Variants in DZIP1L observed in about 807,000 individuals in gnomAD.
The protein encoded by DZIP1L is cilium assembly protein DZIP1L.
Under a neutral mutation model 88.7 loss-of-function variants are expected in DZIP1L, and 90 were observed. The observed-to-expected ratio is 1.02, with a 90% CI of 0.86 to 1.21. DZIP1L has a LOEUF of 1.21. Ranked by LOEUF, DZIP1L falls within the 50% of genes most tolerant of loss-of-function variation. The pLI, the probability that DZIP1L is intolerant of heterozygous loss-of-function variation, is 0.00. For missense variants in DZIP1L, 932 were observed against 955.8 expected, an observed-to-expected ratio of 0.98 and a Z score of 0.33; for synonymous variants, 363 against 372.1, an observed-to-expected ratio of 0.98 and a Z score of 0.28.
At chr3:138,104,646 T>C (rs764782296) in intron 1 of DZIP1L, among the ~76,000 whole-genome samples, 1 of 152,240 alleles carries the variant, frequency 6.6e-6, no homozygotes, top group Non-Finnish European at 1.5e-5. Context: ...TGTGATCATA[T>C]GACTAAGTTC....
intron 11 of DZIP1L, among the ~76,000 whole-genome samples, chr3:138,076,900 C>A (rs1943438823): frequency 6.6e-6 from 1 of 151,560 alleles, no homozygotes; most frequent in African/African-American, 2.4e-5. Context: ...CCCAAAAACC[C>A]ACTGAAATAA....
In DZIP1L at chr3:138,068,143, G is replaced by A. The variant is rs116780404; in HGVS notation, c.1832+8C>T. 2.0e-6 allele frequency: 3 copies of A among 1,496,136 alleles called. No individual in the cohort carries two copies. Among genetic ancestry groups the A allele is most frequent in the African/African-American group, 2.8e-5 (2 of 71,074 alleles). 92.7% of individuals were successfully genotyped at this position (1,496,136 alleles called of 1,614,324 possible). A position where few individuals can be genotyped will look rare whatever the true frequency, so the allele number is the denominator to read the frequency against. On this transcript the variant is annotated splice_region_variant and intron_variant, in intron 13 of 15. Coordinates refer to ENST00000327532, the MANE Select transcript of DZIP1L (RefSeq NM_173543.3). ...AGGTGGGGTGAGAGGGCAGAGTCTG[G>A]GGCTCACCTCATCCCGGGCCCCGAG...
At position 138,115,405 on chromosome 3, in the gene DZIP1L, T is replaced by G. The variant is rs1217360687; in HGVS notation, c.-159A>C. The G allele has an allele frequency of 6.6e-6, 1 of 152,094 alleles. No individual in the cohort carries two copies. Among genetic ancestry groups the G allele is most frequent in the Non-Finnish European group, 1.5e-5 (1 of 68,050 alleles). 9.4% of individuals were successfully genotyped at this position (152,094 alleles called of 1,614,324 possible). On this transcript the variant is annotated 5_prime_UTR_variant, in exon 1 of 16. Transcript: ENST00000327532. ...TCCCATACTCGCCCCACGTCCCGCC[T>G]CCAGACTTGCTCCACCGCCCCAGAC...
At chr3:138,078,302 T>G (rs1476161089) in intron 10 of DZIP1L, among the ~76,000 whole-genome samples, 1 of 152,204 alleles carries the variant, frequency 6.6e-6, no homozygotes, top group Non-Finnish European at 1.5e-5. Flanking sequence ...GCCCTTTGAC[T>G]CACTCAGTAG....
At chr3:138,071,974 A>T in intron 11 of DZIP1L, 139 bp from the exon 12 acceptor site, 1 of 831,498 alleles carries the variant, frequency 1.2e-6, no homozygotes, top group Middle Eastern at 3.0e-4. Context: ...GGGGGGCATG[A>T]AATGAGGATC....
At chr3:138,064,329 T>C in intron 15 of DZIP1L, 2 of 1,237,874 alleles carry the variant, frequency 1.6e-6, no homozygotes, top group Non-Finnish European at 2.1e-6. Context: ...TGCTGCAGGA[T>C]GCCAGACACA....
intron 1 of DZIP1L, among the ~76,000 whole-genome samples, chr3:138,106,840 G>A (rs1198821673): frequency 7.3e-6 from 1 of 136,806 alleles, no homozygotes; most frequent in Non-Finnish European, 1.6e-5. Flanking sequence ...TCAAAAAAAA[G>A]TGGTAGGACT....
At chr3:138,088,681 G>A in intron 5 of DZIP1L, 174 bp from the exon 6 acceptor site, 1 of 1,268,854 alleles carries the variant, frequency 7.9e-7, no homozygotes, top group Non-Finnish European at 9.9e-7. Context: ...CCCTTCACAA[G>A]GGCTCTCCTG....
At chr3:138,103,418 G>A in intron 2 of DZIP1L, 53 bp downstream of exon 2, 1 of 1,543,522 alleles carries the variant, frequency 6.5e-7, no homozygotes, top group Non-Finnish European at 8.7e-7. Flanking sequence ...AGTTGCCCCA[G>A]TGGCTGGGGC....
Position 138,103,688 on chromosome 3 carries a change from T to G in DZIP1L, c.284A>C (p.Glu95Ala), listed in dbSNP as rs1401530619. The change falls in exon 2 of 16, where the codon GAG becomes GCG. Residue 95 changes from glutamate (E) to alanine (A), a missense_variant. Physicochemically the swap from Glu to Ala is moderately radical, Grantham distance 107. Coordinates refer to ENST00000327532, the MANE Select transcript of DZIP1L (RefSeq NM_173543.3). ...KVLRLAQLII[E>A]YLLHCQDCLS... Reference sequence around the variant, plus strand: ...GCAATCCTGGCAGTGCAGCAGGTACTCAATGATGAGCTGCGCCAGGCGCAG... The same window carrying G: ...GCAATCCTGGCAGTGCAGCAGGTACGCAATGATGAGCTGCGCCAGGCGCAG... 3.1e-6 allele frequency: 5 copies of G among 1,611,782 alleles called. No individual in the cohort carries two copies. In the South Asian group the frequency reaches 5.5e-5, roughly 18 times the overall value.
At chr3:138,069,552 G>A (rs776884275) in intron 12 of DZIP1L, among the ~76,000 whole-genome samples, 1 of 152,142 alleles carries the variant, frequency 6.6e-6, no homozygotes, top group African/African-American at 2.4e-5. Flanking sequence ...GAAGAGAAGG[G>A]GAAGACAAAG....
At chr3:138,064,299 G>C (rs1012710600) in intron 15 of DZIP1L, 5 of 1,146,834 alleles carry the variant, frequency 4.4e-6, no homozygotes, top group African/African-American at 1.6e-5. Flanking sequence ...TGTGGGATGA[G>C]ACCGGGCTGG....
intron 6 of DZIP1L, among the ~76,000 whole-genome samples, chr3:138,088,088 T>C (rs79575998): frequency 0.013 from 1,972 of 152,326 alleles, 46 homozygotes; most frequent in African/African-American, 0.046. Context: ...ACTGTCACAG[T>C]TTCTAAGAGT....
At chr3:138,095,678 A>T (rs921942515) in intron 3 of DZIP1L, among the ~76,000 whole-genome samples, 1 of 152,140 alleles carries the variant, frequency 6.6e-6, no homozygotes, top group Admixed American at 6.5e-5. Flanking sequence ...GCTACTCAGG[A>T]GGCTGAGGCA....
chr3:138,071,934 A>G, intron 11 of DZIP1L, 99 bp from the exon 12 acceptor site: 2 of 1,192,758 alleles, frequency 1.7e-6, no homozygotes, highest in Admixed American at 5.2e-5. Flanking sequence ...GGAGTCTGTG[A>G]TCAGTGCCTG....
rs751410045 is a variant in DZIP1L at position 138,062,908 on chromosome 3, C to A, written c.2212G>T (p.Glu738Ter). The A allele has an allele frequency of 6.2e-6, 10 of 1,614,218 alleles. No individual in the cohort carries two copies. Among genetic ancestry groups the A allele is most frequent in the Non-Finnish European group, 8.5e-6 (10 of 1,180,040 alleles). The change falls in exon 16 of 16, where the codon GAG becomes TAG. Residue 738 changes from glutamate to a stop codon, truncating the protein, a stop_gained. Transcript: ENST00000327532. LOFTEE classifies it low-confidence loss of function (END_TRUNC). ...GAGCGAGACAAGGGCTTGGGTTTCT[C>A]TCTCTGGTCCAGGTCCAGAGGAAGA... ...EDLPLDLDQREKPKPLSRSKL... is the reference protein window; with the variant it reads ...EDLPLDLDQR
chr3:138,066,959 C>T (rs1044401659), intron 14 of DZIP1L, among the ~76,000 whole-genome samples: 3 of 152,166 alleles, frequency 2.0e-5, no homozygotes, highest in African/African-American at 4.8e-5. Flanking sequence ...GGGTTGGAGC[C>T]TGGCTGGAGT....
chr3:138,088,602 C>G, intron 5 of DZIP1L, 95 bp from the exon 6 acceptor site: 1 of 1,449,476 alleles, frequency 6.9e-7, no homozygotes, highest in East Asian at 2.5e-5. Flanking sequence ...ACGCCTTACC[C>G]AACTCATCCT....
chr3:138,092,847 A>G (rs976815860), intron 4 of DZIP1L, among the ~76,000 whole-genome samples: 29 of 152,226 alleles, frequency 1.9e-4, no homozygotes, highest in African/African-American at 7.0e-4. Flanking sequence ...TCCCATCTTC[A>G]GGCTCCACTT....
Sources: gnomAD v4.1 joint callset for allele counts (sites outside exome capture counted in the v4.1 genomes callset) on GRCh38, gnomAD v4.1.1 for gene constraint, MANE v1.5 for transcripts, NCBI Gene and HGNC (gene_info 2026-07-23, HGNC 2026-07-21) for gene names.